KIF1A: variants seen among roughly 807,000 people sequenced by gnomAD.
KIF1A encodes the protein kinesin family member 1A.
A neutral mutation model predicts 227.3 loss-of-function variants in KIF1A; 46 were observed. That is an observed-to-expected ratio of 0.20 (90% CI 0.16 to 0.26). The LOEUF (loss-of-function observed/expected upper bound fraction) is 0.26. Among genes scored for constraint, KIF1A ranks in the 10% least tolerant of loss-of-function variants. The pLI is 1.00. For synonymous variants in KIF1A, 1,022 were observed against 1,012.8 expected (o/e 1.01, Z -0.17); for missense variants, 1,683 against 2,485.9 (o/e 0.68, Z 6.87).
chr2:240,820,777 G>A (rs1274026705), upstream of KIF1A, among the ~76,000 whole-genome samples: 1 of 152,024 alleles, frequency 6.6e-6, no homozygotes, highest in Non-Finnish European at 1.5e-5. This position sits in a 1 kb window ranked among gnomAD's most constrained non-coding sequence, Gnocchi z 6.2. Flanking sequence ...GGGCGCCGGG[G>A]GAAGAGCAGC....
At chr2:240,728,426 C>A in intron 38 of KIF1A, 1 of 1,299,362 alleles carries the variant, frequency 7.7e-7, no homozygotes, top group Non-Finnish European at 1.0e-6. Context: ...AAGGTGGAGG[C>A]AGCCAGGACA....
chr2:240,721,058 T>C lies in KIF1A; in HGVS notation c.4744-20A>G, dbSNP rs1457429470. ...GGAGAGCTGCGGAGGAGAGGCCTTT[T>C]TCAGGGGACACAGGGAAGGGGGGTC... On this transcript the variant is annotated intron_variant, in intron 44 of 48. Coordinates refer to ENST00000498729, the MANE Select transcript of KIF1A (RefSeq NM_001244008.2). The C allele has an allele frequency of 1.2e-6, 2 of 1,610,804 alleles. No homozygotes were observed. The highest frequency in any genetic ancestry group is 1.7e-5 in the Admixed American group (1 of 59,862).
chr2:240,734,772 T>C (rs1158722602), intron 38 of KIF1A: 2 of 1,303,996 alleles, frequency 1.5e-6, no homozygotes, highest in African/African-American at 3.0e-5. Context: ...ATCACACGGT[T>C]AGTGAGGGCC....
At chr2:240,721,198 C>G (rs905742170) in intron 44 of KIF1A, among the ~76,000 whole-genome samples, 160 bp from the exon 45 acceptor site, 19 of 152,224 alleles carry the variant, frequency 1.2e-4, no homozygotes, top group African/African-American at 4.3e-4. Flanking sequence ...CTCAAGACCC[C>G]CGGCCCCCTC....
intron 38 of KIF1A, among the ~76,000 whole-genome samples, chr2:240,735,183 A>T (rs1186275366): frequency 1.3e-5 from 2 of 152,166 alleles, no homozygotes; most frequent in Non-Finnish European, 2.9e-5. Context: ...AGCGAGGGCC[A>T]AAGCCGCTTC....
chr2:240,743,828 G>A, intron 33 of KIF1A, 114 bp downstream of exon 33: 1 of 687,066 alleles, frequency 1.5e-6, no homozygotes, highest in South Asian at 1.9e-5. Context: ...ATGGGCAGGG[G>A]AGGTGGGTTT....
intron 1 of KIF1A, among the ~76,000 whole-genome samples, chr2:240,811,778 G>A (rs2057882780): frequency 3.3e-5 from 5 of 152,156 alleles, no homozygotes; most frequent in Admixed American, 3.3e-4. Flanking sequence ...TGACTGCTCA[G>A]AGCCAAAGAA....
At chr2:240,772,674 C>T (rs1015034296) in intron 13 of KIF1A, 78 bp from the exon 14 acceptor site, 56 of 1,217,806 alleles carry the variant, frequency 4.6e-5, no homozygotes, top group Admixed American at 8.1e-5. Context: ...GGGTCAGGCA[C>T]GCCTTTCACA....
At chr2:240,732,370 G>A (rs977739166) in intron 38 of KIF1A, among the ~76,000 whole-genome samples, 1 of 145,044 alleles carries the variant, frequency 6.9e-6, no homozygotes, top group Non-Finnish European at 1.5e-5. Context: ...AAAAAATGAA[G>A]GGAAGAGGGG....
At position 240,782,639 on chromosome 2, in the gene KIF1A, C is replaced by A. The variant is rs952348434; in HGVS notation, c.865-32G>T. On this transcript the variant is annotated intron_variant, in intron 9 of 48. Transcript: ENST00000498729. ...AGGAAAAGACAGAGAGAGGCTGAGG[C>A]CCGGAGCGAAGCTGGCGCGGGCTGT... 1.0e-5 allele frequency: 16 copies of A among 1,550,576 alleles called. No homozygotes were observed. The African/African-American group carries it at 1.9e-4, about 19-fold the overall frequency.
chr2:240,753,946 G>T (rs545936438), intron 27 of KIF1A, among the ~76,000 whole-genome samples: 1 of 152,296 alleles, frequency 6.6e-6, no homozygotes, highest in African/African-American at 2.4e-5. Flanking sequence ...GCCAGGGTTG[G>T]CTTCCATGGG....
In KIF1A at chr2:240,725,589, CT is replaced by C. The variant is rs2045921765; in HGVS notation, c.4123-186del. The C allele has an allele frequency of 1.3e-5, 8 of 626,408 alleles. No homozygotes were observed. The highest frequency in any genetic ancestry group is 1.9e-5 in the Non-Finnish European group (7 of 368,060). The allele number at this position is 626,408 out of a possible 1,614,324, so 38.8% of individuals were successfully genotyped here. A position where few individuals can be genotyped will look rare whatever the true frequency, so the allele number is the denominator to read the frequency against. On this transcript the variant is annotated intron_variant, in intron 39 of 48. Transcript: ENST00000498729. This position sits in a 1 kb window ranked among gnomAD's most constrained non-coding sequence, Gnocchi z 5.8. ...TGCTCCTGCCCTCGAGAAAACCCCA[CT>C]GGGGACAGGTAGCCACAGCTCTGTC...
rs1220715336 is a variant in KIF1A, at chr2:240,725,176, C to T, written c.4256+95G>A. On this transcript the variant is annotated intron_variant, in intron 40 of 48. Coordinates refer to ENST00000498729, the MANE Select transcript of KIF1A (RefSeq NM_001244008.2). This position sits in a 1 kb window ranked among gnomAD's most constrained non-coding sequence, Gnocchi z 5.8. ...CTGGGCCTCGCACAGGGTGAGCTGC[C>T]GGGTGGCCCAAGGACCGCTGCCAGG... 8.1e-6 allele frequency: 11 copies of T among 1,362,206 alleles called. No homozygotes were observed. Among genetic ancestry groups the T allele is most frequent in the Admixed American group, 4.6e-5 (2 of 43,266 alleles). 84.4% of individuals were successfully genotyped at this position (1,362,206 alleles called of 1,614,324 possible). A position where few individuals can be genotyped will look rare whatever the true frequency, so the allele number is the denominator to read the frequency against.
Position 240,750,329 on chromosome 2 carries a change from G to A in KIF1A, c.2977+100C>T. ...GCCAGCTTCCCACTAACCACTACAT[G>A]ATGCCAGAAGGCCCTTCTTGGGCCC... is the stretch of plus-strand genomic sequence containing the variant. On this transcript the variant is annotated intron_variant, in intron 28 of 48. Coordinates refer to ENST00000498729, the MANE Select transcript of KIF1A (RefSeq NM_001244008.2). The A allele has an allele frequency of 3.8e-6, 3 of 798,816 alleles. No homozygotes were observed. The South Asian group carries it at 4.9e-5, about 13-fold the overall frequency. The allele number at this position is 798,816 out of a possible 1,614,324, so 49.5% of individuals were successfully genotyped here. A position where few individuals can be genotyped will look rare whatever the true frequency, so the allele number is the denominator to read the frequency against.
chr2:240,785,774 G>C (rs936982515), intron 6 of KIF1A, among the ~76,000 whole-genome samples: 2 of 152,220 alleles, frequency 1.3e-5, no homozygotes, highest in African/African-American at 4.8e-5. Context: ...AGGGGTGCAG[G>C]ATGGCGCAGA....
chr2:240,782,679 AGGCGGCCC>A, intron 9 of KIF1A, 72 bp from the exon 10 acceptor site: 1 of 1,492,150 alleles, frequency 6.7e-7, no homozygotes, highest in Non-Finnish European at 9.1e-7. Context: ...GCGGAAGAGC[AGGCGGCCC>A]GGCTGCCTCG....
intron 38 of KIF1A, among the ~76,000 whole-genome samples, chr2:240,728,798 G>A (rs1453846074): frequency 6.6e-6 from 1 of 152,314 alleles, no homozygotes; most frequent in East Asian, 1.9e-4. Flanking sequence ...TGGAACAAGT[G>A]CCTCAGACCG....
Position 240,783,026 on chromosome 2 carries a change from C to T in KIF1A, c.864+18G>A, listed in dbSNP as rs1342492624. ...CCCTCTGGGGTTCTGGCTATGGAAG[C>T]CGGGCCGGGCCACTCACCATTTCAG... On this transcript the variant is annotated intron_variant, in intron 9 of 48. Transcript: ENST00000498729. 6.2e-7 allele frequency: 1 copy of T among 1,605,348 alleles called. No individual in the cohort carries two copies. Among genetic ancestry groups the T allele is most frequent in the Non-Finnish European group, 8.5e-7 (1 of 1,172,370 alleles).
At chr2:240,743,254 C>G (rs1390953653) in intron 33 of KIF1A, among the ~76,000 whole-genome samples, 2 of 152,180 alleles carry the variant, frequency 1.3e-5, no homozygotes, top group African/African-American at 4.8e-5. Flanking sequence ...ACAAGCACCC[C>G]CAGAACAAAG....
Sources: allele counts gnomAD v4.1 joint callset (sites outside exome capture counted in the v4.1 genomes callset), GRCh38; gene constraint gnomAD v4.1.1; non-coding constraint Gnocchi (gnomAD v3.1); transcripts MANE v1.5; gene names NCBI Gene and HGNC (gene_info 2026-07-23, HGNC 2026-07-21).